TCEANC2: variants seen among roughly 807,000 people sequenced by gnomAD.
TCEANC2 encodes transcription elongation factor A N-terminal and central domain-containing protein 2.
Under a neutral mutation model 22.8 loss-of-function variants are expected in TCEANC2, and 20 were observed. The observed-to-expected ratio is 0.88, with a 90% CI of 0.62 to 1.28. TCEANC2 has a LOEUF of 1.28. Among genes scored for constraint, TCEANC2 ranks in the 50% most tolerant of loss-of-function variants. The probability of loss-of-function intolerance (pLI) is 0.00; values close to 1 mark genes in which losing one functional copy is unlikely to be tolerated. For missense variants in TCEANC2, 251 were observed against 249.7 expected (o/e 1.01, Z -0.03); for synonymous variants, 84 against 95.5 (o/e 0.88, Z 0.70).
At chr1:54,057,954 A>G (rs1323786200) in intron 2 of TCEANC2, among the ~76,000 whole-genome samples, 1 of 152,214 alleles carries the variant, frequency 6.6e-6, no homozygotes, top group Non-Finnish European at 1.5e-5. Context: ...GAGGCAATAT[A>G]ATGCAATAAT....
chr1:54,055,614 C>T (rs1169385773), intron 2 of TCEANC2, among the ~76,000 whole-genome samples: 2 of 152,218 alleles, frequency 1.3e-5, no homozygotes, highest in Admixed American at 6.5e-5. Flanking sequence ...ACCTGCACCT[C>T]CAGCCTAGGT....
chr1:54,100,494 A>C lies in TCEANC2; in HGVS notation c.*4021A>C, dbSNP rs1658642113. ...ATATTGGGTGATAACTATAGACATG[A>C]AAATATTGAGAAGATGGGGAAAGGA... On this transcript the variant is annotated 3_prime_UTR_variant, in exon 5 of 5. Coordinates refer to ENST00000234827, the MANE Select transcript of TCEANC2 (RefSeq NM_153035.3). 6.6e-6 allele frequency: 1 copy of C among 152,226 alleles called. No individual in the cohort carries two copies. Among genetic ancestry groups the C allele is most frequent in the African/African-American group, 2.4e-5 (1 of 41,454 alleles). 9.4% of individuals were successfully genotyped at this position (152,226 alleles called of 1,614,324 possible). A position where few individuals can be genotyped will look rare whatever the true frequency, so the allele number is the denominator to read the frequency against.
intron 3 of TCEANC2, among the ~76,000 whole-genome samples, chr1:54,073,476 T>C (rs906155538): frequency 3.9e-5 from 6 of 152,288 alleles, no homozygotes; most frequent in Admixed American, 3.3e-4. Flanking sequence ...GCATTGCTAT[T>C]GATATCAGCC....
At chr1:54,110,230 C>G (rs1233892041), downstream of TCEANC2, among the ~76,000 whole-genome samples, 1 of 152,174 alleles carries the variant, frequency 6.6e-6, no homozygotes, top group African/African-American at 2.4e-5. Context: ...TGTCCCTTCT[C>G]TAATCAATTC....
intron 4 of TCEANC2, among the ~76,000 whole-genome samples, chr1:54,092,666 AAGAC>A (rs1658469899): frequency 1.3e-5 from 2 of 152,208 alleles, no homozygotes; most frequent in African/African-American, 4.8e-5. Context: ...TCTTCTGAGG[AAGAC>A]AGACAAATAG....
chr1:54,100,832 A>T lies in TCEANC2; in HGVS notation c.*4359A>T, dbSNP rs1008030847. 6.6e-6 allele frequency: 1 copy of T among 152,244 alleles called. No individual in the cohort carries two copies. The highest frequency in any genetic ancestry group is 2.4e-5 in the African/African-American group (1 of 41,468). 9.4% of individuals were successfully genotyped at this position (152,244 alleles called of 1,614,324 possible). On this transcript the variant is annotated 3_prime_UTR_variant, in exon 5 of 5. Transcript: ENST00000234827. ...TTGAGGAGGTGAGGGACCTAATCAG[A>T]TGTGTGTTTTAAAAAGATTTAAAAA...
At chr1:54,076,744 A>T (rs867406868) in intron 3 of TCEANC2, among the ~76,000 whole-genome samples, 5 of 152,230 alleles carry the variant, frequency 3.3e-5, no homozygotes, top group Admixed American at 3.3e-4. Context: ...TCATTCAGAT[A>T]TTCATTCATG....
At chr1:54,071,698 A>G (rs893548989) in intron 3 of TCEANC2, among the ~76,000 whole-genome samples, 14 of 152,184 alleles carry the variant, frequency 9.2e-5, no homozygotes, top group African/African-American at 3.4e-4. Context: ...TTGAAGCCTA[A>G]CTTGTAGACT....
intron 3 of TCEANC2, among the ~76,000 whole-genome samples, chr1:54,083,166 G>C (rs919480832): frequency 1.2e-4 from 18 of 152,194 alleles, no homozygotes; most frequent in African/African-American, 4.3e-4. Flanking sequence ...AGTTAGAGGT[G>C]TTTGCAGAAT....
intron 2 of TCEANC2, among the ~76,000 whole-genome samples, chr1:54,057,679 AAAG>A (rs1657779491): frequency 6.6e-6 from 1 of 152,124 alleles, no homozygotes; most frequent in Non-Finnish European, 1.5e-5. Flanking sequence ...CTCAAATAGA[AAAG>A]AAAATCTACT....
At chr1:54,066,546 T>C (rs1054866473) in intron 2 of TCEANC2, among the ~76,000 whole-genome samples, 2 of 152,154 alleles carry the variant, frequency 1.3e-5, no homozygotes, top group African/African-American at 2.4e-5. Flanking sequence ...ATTGAAACAA[T>C]GTTTGTAACA....
chr1:54,075,836 A>G (rs908953962), intron 3 of TCEANC2, among the ~76,000 whole-genome samples: 1 of 152,130 alleles, frequency 6.6e-6, no homozygotes, highest in Non-Finnish European at 1.5e-5. Flanking sequence ...CAACATGGTG[A>G]AACCTTGTCT....
intron 4 of TCEANC2, among the ~76,000 whole-genome samples, chr1:54,092,757 G>C (rs986681864): frequency 6.6e-6 from 1 of 152,204 alleles, no homozygotes; most frequent in African/African-American, 2.4e-5. Context: ...CCCTGAGAGA[G>C]CTTATGCATG....
In TCEANC2 at chr1:54,101,778, G is replaced by T; in HGVS notation, c.*5305G>T. ...CTACCTCAAGCCTCCCAAGTGTCTG[G>T]GACCATAGGTATGTGCCATCATACC... On this transcript the variant is annotated 3_prime_UTR_variant, in exon 5 of 5. Transcript: ENST00000234827. The T allele has an allele frequency of 6.6e-6, 1 of 152,226 alleles. No individual in the cohort carries two copies. Among genetic ancestry groups the T allele is most frequent in the Non-Finnish European group, 1.5e-5 (1 of 68,052 alleles). The allele number at this position is 152,226 out of a possible 1,614,324, so 9.4% of individuals were successfully genotyped here. A position where few individuals can be genotyped will look rare whatever the true frequency, so the allele number is the denominator to read the frequency against.
intron 3 of TCEANC2, among the ~76,000 whole-genome samples, chr1:54,078,842 G>A (rs555242485): frequency 1.3e-5 from 2 of 152,278 alleles, no homozygotes; most frequent in South Asian, 2.1e-4. Flanking sequence ...GACTAAGGAA[G>A]TGTGGTTAGA....
intron 3 of TCEANC2, among the ~76,000 whole-genome samples, chr1:54,072,620 C>A (rs1022201051): frequency 6.6e-6 from 1 of 152,164 alleles, no homozygotes; most frequent in Admixed American, 6.5e-5. Context: ...TGGTCTCGAT[C>A]TCTTGACCTC....
chr1:54,091,385 C>T (rs1161673333), intron 4 of TCEANC2, among the ~76,000 whole-genome samples: 3 of 152,164 alleles, frequency 2.0e-5, no homozygotes, highest in South Asian at 2.1e-4. Flanking sequence ...ATCAGATCTT[C>T]GTAAATGTAC....
intron 2 of TCEANC2, among the ~76,000 whole-genome samples, chr1:54,063,059 G>A (rs978382737): frequency 6.6e-6 from 1 of 152,192 alleles, no homozygotes; most frequent in Non-Finnish European, 1.5e-5. Flanking sequence ...CAAAATCAGA[G>A]CTGTAAATGG....
intron 3 of TCEANC2, among the ~76,000 whole-genome samples, chr1:54,073,295 G>T (rs1658091231): frequency 6.6e-6 from 1 of 152,130 alleles, no homozygotes; most frequent in South Asian, 2.1e-4. Context: ...AATTCTGTGG[G>T]GCTAAATTGA....
Sources: allele counts gnomAD v4.1 joint callset (sites outside exome capture counted in the v4.1 genomes callset), GRCh38; gene constraint gnomAD v4.1.1; transcripts MANE v1.5; gene names NCBI Gene and HGNC (gene_info 2026-07-23, HGNC 2026-07-21).